SEMA3D: variants seen among roughly 807,000 people sequenced by gnomAD.
SEMA3D encodes the protein semaphorin-3D.
Under a neutral mutation model 100.1 loss-of-function variants are expected in SEMA3D, and 84 were observed. The ratio of observed to expected loss-of-function variants is 0.84; its 90% CI spans 0.70 to 1.01. SEMA3D has a LOEUF of 1.01. Among genes scored for constraint, SEMA3D ranks in the 50% least tolerant of loss-of-function variants. SEMA3D has a pLI of 0.00. For missense variants in SEMA3D, 875 were observed against 934.1 expected, an observed-to-expected ratio of 0.94 and a Z score of 0.82; for synonymous variants, 312 against 320.7, an observed-to-expected ratio of 0.97 and a Z score of 0.29.
intron 9 of SEMA3D, among the ~76,000 whole-genome samples, chr7:85,047,286 A>G (rs1188627431): frequency 6.6e-6 from 1 of 151,928 alleles, no homozygotes; most frequent in East Asian, 1.9e-4. Flanking sequence ...TCTTCTAATC[A>G]TAGCATCTAC....
At chr7:85,081,768 C>T (rs1788073112) in intron 4 of SEMA3D, among the ~76,000 whole-genome samples, 189 bp from the exon 5 acceptor site, 1 of 152,280 alleles carries the variant, frequency 6.6e-6, no homozygotes, top group East Asian at 1.9e-4. Flanking sequence ...AGAAAAGTGT[C>T]TAGTACTATC....
the SEMA3D span, among the ~76,000 whole-genome samples, chr7:85,218,773 T>C: frequency 2.0e-3 from 297 of 152,262 alleles, 3 homozygotes; most frequent in African/African-American, 7.0e-3. Context: ...TAGAATTTTA[T>C]TTGTCATCTA....
chr7:85,015,194 C>T lies in SEMA3D; in HGVS notation c.1568G>A (p.Arg523Gln), dbSNP rs770195185. ...LKQQQLYIGSRDGLVQLSLHR... is the reference protein window; with the variant it reads ...LKQQQLYIGSQDGLVQLSLHR... Reference sequence around the variant, plus strand: ...CAAGGAGAGCTGAACCAATCCATCTCGGGAACCAATGTACAATTGTTGCTG... The same window carrying T: ...CAAGGAGAGCTGAACCAATCCATCTTGGGAACCAATGTACAATTGTTGCTG... Residue 523 changes from arginine to glutamine, a missense_variant, in exon 16 of 19, where the codon CGA (arginine) becomes CAA (glutamine). Physicochemically the swap from Arg to Gln is conservative, Grantham distance 43 (BLOSUM62 1). Transcript: ENST00000284136. 15 of 1,609,452 alleles carry T rather than the reference C, an allele frequency of 9.3e-6. No individual in the cohort carries two copies. The East Asian group carries it at 1.3e-4, about 14-fold the overall frequency.
the SEMA3D span, among the ~76,000 whole-genome samples, chr7:85,215,694 T>C: frequency 4.6e-5 from 7 of 152,290 alleles, no homozygotes; most frequent in East Asian, 1.4e-3. Flanking sequence ...ATACATTTAT[T>C]AATTCATTTG....
At chr7:85,039,835 G>A (rs769385211) in intron 11 of SEMA3D, among the ~76,000 whole-genome samples, 2 of 152,030 alleles carry the variant, frequency 1.3e-5, no homozygotes, top group African/African-American at 2.4e-5. Flanking sequence ...ATGTTTTAAA[G>A]GTTAAGAGTG....
chr7:85,109,647 C>T (rs1362167972), intron 3 of SEMA3D, among the ~76,000 whole-genome samples: 1 of 151,910 alleles, frequency 6.6e-6, no homozygotes, highest in Non-Finnish European at 1.5e-5. Context: ...AAAATGCAAA[C>T]TGTATATTAC....
At chr7:85,072,849 C>T (rs1791813037) in intron 6 of SEMA3D, 113 bp downstream of exon 6, 1 of 838,816 alleles carries the variant, frequency 1.2e-6, no homozygotes, top group Non-Finnish European at 1.8e-6. Context: ...ACCTCCATGC[C>T]TGGCCATATA....
At chr7:85,138,052 C>T (rs937174737) in intron 2 of SEMA3D, among the ~76,000 whole-genome samples, 3 of 152,028 alleles carry the variant, frequency 2.0e-5, no homozygotes, top group African/African-American at 7.2e-5. Flanking sequence ...TGGAAAGATG[C>T]TTAGGCACAG....
At chr7:85,144,648 C>A in intron 2 of SEMA3D, 8 of 985,018 alleles carry the variant, frequency 8.1e-6, no homozygotes, top group Non-Finnish European at 9.6e-6. Context: ...AACTGGCCTG[C>A]AATATCCAAC....
chr7:85,196,248 A>G, the SEMA3D span, among the ~76,000 whole-genome samples: 3 of 152,176 alleles, frequency 2.0e-5, no homozygotes, highest in Non-Finnish European at 4.4e-5. Context: ...TACAAATATA[A>G]TAAAAGTGAA....
At chr7:85,239,465 G>T in the SEMA3D span, among the ~76,000 whole-genome samples, 2 of 152,122 alleles carry the variant, frequency 1.3e-5, no homozygotes, top group African/African-American at 2.4e-5. Flanking sequence ...CTTCCAAAAT[G>T]ATGAGAAATT....
chr7:85,034,981 AC>A (rs1433049714), intron 12 of SEMA3D, among the ~76,000 whole-genome samples: 3 of 152,096 alleles, frequency 2.0e-5, no homozygotes, highest in Non-Finnish European at 4.4e-5. Flanking sequence ...TTTATCTAAA[AC>A]AATTGAAATT....
At chr7:85,081,036 T>C (rs1355140015) in intron 5 of SEMA3D, among the ~76,000 whole-genome samples, 1 of 152,188 alleles carries the variant, frequency 6.6e-6, no homozygotes, top group Non-Finnish European at 1.5e-5. Context: ...TAATTCTTAT[T>C]GTTCTTTCCA....
chr7:85,008,883 A>G (rs1789874239), intron 17 of SEMA3D, among the ~76,000 whole-genome samples: 1 of 151,804 alleles, frequency 6.6e-6, no homozygotes, highest in Non-Finnish European at 1.5e-5. Flanking sequence ...AAAATACTAT[A>G]CAGAATTACC....
At chr7:85,249,852 C>A in the SEMA3D span, among the ~76,000 whole-genome samples, 11 of 152,114 alleles carry the variant, frequency 7.2e-5, no homozygotes, top group Admixed American at 3.3e-4. Context: ...ATTTTCGATA[C>A]CTGAGGGAGG....
At chr7:85,223,678 A>C in the SEMA3D span, among the ~76,000 whole-genome samples, 1 of 152,050 alleles carries the variant, frequency 6.6e-6, no homozygotes, top group East Asian at 1.9e-4. Context: ...AAAACCAAAC[A>C]TTGTATGTCC....
chr7:85,096,111 A>AAAT (rs1486517196), intron 4 of SEMA3D, among the ~76,000 whole-genome samples: 71 of 152,104 alleles, frequency 4.7e-4, no homozygotes, highest in African/African-American at 1.7e-3. Flanking sequence ...TAAGCTATGC[A>AAAT]GCATCTCTTA....
the SEMA3D span, among the ~76,000 whole-genome samples, chr7:85,228,750 C>A: frequency 6.6e-6 from 1 of 151,858 alleles, no homozygotes; most frequent in Non-Finnish European, 1.5e-5. Context: ...GATTTCATTG[C>A]TCATGAAAGT....
At chr7:85,068,124 C>T (rs550568780) in intron 7 of SEMA3D, 67 bp downstream of exon 7, 45 of 889,044 alleles carry the variant, frequency 5.1e-5, no homozygotes, top group Middle Eastern at 2.2e-4. Flanking sequence ...TAGGAAAATG[C>T]GGTTCAGTCA....
Sources: allele counts gnomAD v4.1 joint callset (sites outside exome capture counted in the v4.1 genomes callset), GRCh38; gene constraint gnomAD v4.1.1; transcripts MANE v1.5; gene names NCBI Gene and HGNC (gene_info 2026-07-23, HGNC 2026-07-21).